Variants in OR1J2 observed in about 807,000 individuals in gnomAD.
OR1J2 encodes the protein olfactory receptor 1J2.
For missense variants in OR1J2, 304 were observed against 246.1 expected (o/e 1.24, Z -1.57); for synonymous variants, 142 against 99.7 (o/e 1.42, Z -2.52).
the OR1J2 span, chr9:122,526,236 G>A: frequency 4.1e-6 from 2 of 487,926 alleles, no homozygotes; most frequent in East Asian, 3.1e-5. Context: ...GAAAACCAAG[G>A]CTCAGAGAGG....
At chr9:122,505,160 T>A in the OR1J2 span, among the ~76,000 whole-genome samples, 1 of 152,196 alleles carries the variant, frequency 6.6e-6, no homozygotes, top group African/African-American at 2.4e-5. Flanking sequence ...CTCAGTCTGT[T>A]ATCTGTTGTT....
chr9:122,534,545 G>A, the OR1J2 span, among the ~76,000 whole-genome samples: 1 of 152,094 alleles, frequency 6.6e-6, no homozygotes, highest in Admixed American at 6.6e-5. Flanking sequence ...GGTGGGGGAG[G>A]GCTAGTCACC....
At chr9:122,500,414 C>T in the OR1J2 span, among the ~76,000 whole-genome samples, 4 of 152,182 alleles carry the variant, frequency 2.6e-5, no homozygotes, top group African/African-American at 9.7e-5. Context: ...CCAGCATTCC[C>T]CTCTCTGGGA....
the OR1J2 span, chr9:122,568,209 T>G: frequency 1.2e-6 from 2 of 1,614,220 alleles, no homozygotes; most frequent in Non-Finnish European, 8.5e-7. Context: ...GATGGTCTTC[T>G]TTTCTGACAG....
the OR1J2 span, among the ~76,000 whole-genome samples, chr9:122,471,128 G>A: frequency 5.1e-4 from 78 of 152,078 alleles, no homozygotes; most frequent in Non-Finnish European, 7.8e-4. Flanking sequence ...AGGGGCCAGG[G>A]GTGGAATGAT....
the OR1J2 span, among the ~76,000 whole-genome samples, chr9:122,579,112 C>T: frequency 0.026 from 3,937 of 151,642 alleles, 117 homozygotes; most frequent in African/African-American, 0.07. Context: ...GGATAGTACA[C>T]GTAAGAGAAA....
At chr9:122,457,587 TC>T in the OR1J2 span, among the ~76,000 whole-genome samples, 131 of 146,256 alleles carry the variant, frequency 9.0e-4, no homozygotes, top group Admixed American at 1.3e-3. Flanking sequence ...GGGAAAAAAA[TC>T]AACAGGAATT....
At chr9:122,481,037 G>T in the OR1J2 span, among the ~76,000 whole-genome samples, 1 of 151,966 alleles carries the variant, frequency 6.6e-6, no homozygotes, top group Non-Finnish European at 1.5e-5. Context: ...CTTGTGATCT[G>T]CCCGCCTCGG....
chr9:122,474,258 AT>A, the OR1J2 span, among the ~76,000 whole-genome samples: 1 of 152,358 alleles, frequency 6.6e-6, no homozygotes, highest in East Asian at 1.9e-4. Flanking sequence ...TGGCCCAGCA[AT>A]TTGAGATGAT....
the OR1J2 span, chr9:122,471,359 G>A: frequency 1.3e-5 from 2 of 152,210 alleles, no homozygotes; most frequent in Admixed American, 1.3e-4. Flanking sequence ...TGCCATATAA[G>A]AAATGCCTTT....
chr9:122,555,238 C>T, the OR1J2 span, among the ~76,000 whole-genome samples: 4 of 152,116 alleles, frequency 2.6e-5, no homozygotes, highest in South Asian at 8.3e-4. Flanking sequence ...GAAGGTATGC[C>T]CTTTTGGTGT....
chr9:122,530,613 A>G, the OR1J2 span, among the ~76,000 whole-genome samples: 4 of 152,194 alleles, frequency 2.6e-5, no homozygotes, highest in Non-Finnish European at 5.9e-5. Context: ...TTTTTCATGC[A>G]CGTCTGTGTG....
chr9:122,554,649 G>T, the OR1J2 span, among the ~76,000 whole-genome samples: 1 of 152,244 alleles, frequency 6.6e-6, no homozygotes, highest in East Asian at 1.9e-4. Flanking sequence ...TATGCCTATC[G>T]ACTCCCTTTC....
At chr9:122,493,316 T>A in the OR1J2 span, among the ~76,000 whole-genome samples, 1 of 152,160 alleles carries the variant, frequency 6.6e-6, no homozygotes, top group Non-Finnish European at 1.5e-5. Flanking sequence ...AGTTGAGCTG[T>A]GAATCCATTT....
chr9:122,476,660 G>T, the OR1J2 span, among the ~76,000 whole-genome samples: 2 of 151,970 alleles, frequency 1.3e-5, no homozygotes, highest in African/African-American at 4.8e-5. Context: ...TAAAAGAAAG[G>T]TAAATATCAG....
At chr9:122,520,607 A>G in the OR1J2 span, among the ~76,000 whole-genome samples, 2 of 152,346 alleles carry the variant, frequency 1.3e-5, no homozygotes, top group East Asian at 3.9e-4. Context: ...AGACTACAAT[A>G]ACTTTCATTC....
the OR1J2 span, among the ~76,000 whole-genome samples, chr9:122,455,434 A>G: frequency 6.6e-6 from 1 of 152,144 alleles, no homozygotes. Flanking sequence ...TGTGTCTTGC[A>G]TTTCCATAAT....
chr9:122,527,349 C>A, the OR1J2 span: 8 of 1,107,226 alleles, frequency 7.2e-6, no homozygotes. Context: ...ATTTCATCTA[C>A]AACTGTGTGG....
the OR1J2 span, chr9:122,475,304 A>G: frequency 1.3e-5 from 2 of 152,206 alleles, no homozygotes; most frequent in Non-Finnish European, 2.9e-5. Context: ...CCTCACCATG[A>G]AAAGAAGTGA....
Sources: allele counts gnomAD v4.1 joint callset (sites outside exome capture counted in the v4.1 genomes callset), GRCh38; gene constraint gnomAD v4.1.1; transcripts MANE v1.5; gene names NCBI Gene and HGNC (gene_info 2026-07-23, HGNC 2026-07-21).